The following DPF3 variants were observed in gnomAD, a reference collection of about 807,000 sequenced individuals.
The protein encoded by DPF3 is zinc finger protein DPF3.
DPF3 carries 18 observed loss-of-function variants against 56.8 expected under a neutral mutation model. That is an observed-to-expected ratio of 0.32 (90% CI 0.22 to 0.47). The LOEUF is 0.47. DPF3 is among the 20% of genes least tolerant of loss of function. DPF3 has a pLI of 1.00. For missense variants in DPF3, 403 were observed against 488.8 expected (o/e 0.82, Z 1.65); for synonymous variants, 188 against 180.2 (o/e 1.04, Z -0.35).
intron 2 of DPF3, among the ~76,000 whole-genome samples, chr14:72,758,945 A>G (rs986250073): frequency 1.3e-5 from 2 of 152,242 alleles, no homozygotes; most frequent in African/African-American, 4.8e-5. Flanking sequence ...ATTACAAGGC[A>G]TGTAAAGAAG....
chr14:72,798,639 C>T (rs545373120), intron 1 of DPF3, among the ~76,000 whole-genome samples: 1 of 152,314 alleles, frequency 6.6e-6, no homozygotes, highest in South Asian at 2.1e-4. Flanking sequence ...GCAGGGGCTG[C>T]CAGCTGCTAA....
chr14:72,705,575 C>A (rs1477151571), intron 6 of DPF3, among the ~76,000 whole-genome samples: 1 of 152,170 alleles, frequency 6.6e-6, no homozygotes, highest in Non-Finnish European at 1.5e-5. Context: ...TGGCTCTAAG[C>A]ACCTCAGCCT....
At chr14:72,745,292 C>A (rs1238712769) in intron 3 of DPF3, among the ~76,000 whole-genome samples, 1 of 152,024 alleles carries the variant, frequency 6.6e-6, no homozygotes, top group African/African-American at 2.4e-5. Context: ...TTTTTCGCCA[C>A]TTAGCAATAT....
At chr14:72,818,523 G>A (rs1019540295) in intron 1 of DPF3, among the ~76,000 whole-genome samples, 1 of 152,028 alleles carries the variant, frequency 6.6e-6, no homozygotes. Context: ...CTACAAAGAA[G>A]TTTATTAACC....
chr14:72,858,886 C>A (rs573924771), intron 1 of DPF3, among the ~76,000 whole-genome samples: 54 of 152,130 alleles, frequency 3.5e-4, no homozygotes, highest in Non-Finnish European at 7.2e-4. Flanking sequence ...TTTTTAGTAA[C>A]AAATATACAT....
chr14:72,766,501 G>C (rs1219622518), intron 2 of DPF3, among the ~76,000 whole-genome samples: 1 of 152,182 alleles, frequency 6.6e-6, no homozygotes, highest in Non-Finnish European at 1.5e-5. Flanking sequence ...GCCTGGGCTG[G>C]AGTGCAATGG....
At chr14:72,753,493 C>G (rs568898365) in intron 2 of DPF3, 122 bp from the exon 3 acceptor site, 2 of 766,772 alleles carry the variant, frequency 2.6e-6, no homozygotes, top group East Asian at 5.8e-5. Context: ...AGTGACTTGT[C>G]AACATCACAA....
intron 1 of DPF3, among the ~76,000 whole-genome samples, chr14:72,824,272 G>C (rs966086051): frequency 6.6e-6 from 1 of 152,170 alleles, no homozygotes; most frequent in African/African-American, 2.4e-5. Context: ...GTATGAGATG[G>C]ATCTGGAGCC....
At chr14:72,874,873 T>G (rs1485065071) in intron 1 of DPF3, among the ~76,000 whole-genome samples, 4 of 152,212 alleles carry the variant, frequency 2.6e-5, no homozygotes, top group African/African-American at 9.6e-5. Flanking sequence ...CCCCACTCTA[T>G]TGGTACCAAT....
Position 72,611,436 on chromosome 14 carries a change from C to T in DPF3, c.*7861G>A, listed in dbSNP as rs1005575248. Among the ~76,000 whole-genome samples, 1 of 152,220 alleles carries T rather than the reference C, an allele frequency of 6.6e-6. No individual in the cohort carries two copies. Among genetic ancestry groups the T allele is most frequent in the Non-Finnish European group, 1.5e-5 (1 of 68,044 alleles). On this transcript the variant is annotated 3_prime_UTR_variant, in exon 11 of 11. Coordinates refer to ENST00000556509, the MANE Select transcript of DPF3 (RefSeq NM_001280542.3). Reference sequence around the variant, plus strand: ...TGGGTTTCATCCCTGCACACACCAGCAGTGCCAGATACAGGCGTGGGGCAG... The same window carrying T: ...TGGGTTTCATCCCTGCACACACCAGTAGTGCCAGATACAGGCGTGGGGCAG...
At chr14:72,844,086 C>T (rs1021689776) in intron 1 of DPF3, among the ~76,000 whole-genome samples, 2 of 152,054 alleles carry the variant, frequency 1.3e-5, no homozygotes, top group Admixed American at 6.6e-5. Context: ...TTCTTATGCC[C>T]GTACTATGTG....
At chr14:72,845,256 G>A (rs1251663917) in intron 1 of DPF3, among the ~76,000 whole-genome samples, 1 of 152,162 alleles carries the variant, frequency 6.6e-6, no homozygotes. Context: ...AGGAAACCAT[G>A]AAAGAGAAGA....
intron 1 of DPF3, among the ~76,000 whole-genome samples, chr14:72,848,838 G>A: frequency 6.6e-6 from 1 of 152,152 alleles, no homozygotes; most frequent in South Asian, 2.1e-4. Flanking sequence ...TCTCTGCTGA[G>A]ACAACAGATT....
intron 1 of DPF3, among the ~76,000 whole-genome samples, chr14:72,825,842 A>G (rs72730377): frequency 0.084 from 12,846 of 152,270 alleles, 743 homozygotes; most frequent in South Asian, 0.18. Context: ...ATGAGGCAGG[A>G]GAGCTCTAGG....
chr14:72,629,650 T>C lies in DPF3; in HGVS notation c.958A>G (p.Ile320Val). 2 of 1,536,064 alleles carry C rather than the reference T, an allele frequency of 1.3e-6. No individual in the cohort carries two copies. Among genetic ancestry groups the C allele is most frequent in the Non-Finnish European group, 1.7e-6 (2 of 1,146,852 alleles). Residue 320 changes from isoleucine to valine, a missense_variant, in exon 9 of 11, where the codon ATC (isoleucine) becomes GTC (valine). Transcript: ENST00000556509. ...TCATTCTCTGAGGTCCCACAGAGGA[T>C]ACAGGATTTGCACTCTATGCACTGC... is the stretch of plus-strand genomic sequence containing the variant. Reference protein sequence around the residue: ...KWQCIECKSCILCGTSENDDQ... With the variant: ...KWQCIECKSCVLCGTSENDDQ...
In DPF3 at chr14:72,649,660, T is replaced by TTGGG. The variant is rs1555491965; in HGVS notation, c.872-19925_872-19924insCCCA. On this transcript the variant is annotated intron_variant, in intron 8 of 10. Transcript: ENST00000556509. ...CTCAATTGTCTCACTCATCCCTGGGTGGGGGGGGGGATTAATGTATTAGTA... is the reference window on the plus strand; with the variant it reads ...CTCAATTGTCTCACTCATCCCTGGGTTGGGGGGGGGGGGGATTAATGTATTAGTA... 4.9e-4 allele frequency among the ~76,000 whole-genome samples: 30 copies of TTGGG among 61,150 alleles called. 1 individual carries two copies. Among genetic ancestry groups the TTGGG allele is most frequent in the African/African-American group, 1.5e-3 (30 of 19,638 alleles). 40.1% of individuals were successfully genotyped at this position (61,150 alleles called of 152,430 possible).
chr14:72,814,797 G>A (rs1276630806), intron 1 of DPF3, among the ~76,000 whole-genome samples: 2 of 150,758 alleles, frequency 1.3e-5, no homozygotes, highest in African/African-American at 2.4e-5. Context: ...GCGACAGAGC[G>A]AGACTCCGTC....
chr14:72,835,195 G>A (rs61986327), intron 1 of DPF3, among the ~76,000 whole-genome samples: 7,093 of 152,202 alleles, frequency 0.047, 239 homozygotes, highest in Non-Finnish European at 0.076. Context: ...AGCGTCCTGA[G>A]TAGCTGGGAT....
intron 8 of DPF3, among the ~76,000 whole-genome samples, chr14:72,655,064 A>C (rs892925223): frequency 7.9e-5 from 12 of 152,142 alleles, no homozygotes; most frequent in Non-Finnish European, 7.4e-5. Context: ...GGCAATTCAT[A>C]CTACATTCTT....
Sources: allele counts gnomAD v4.1 joint callset (sites outside exome capture counted in the v4.1 genomes callset), GRCh38; gene constraint gnomAD v4.1.1; transcripts MANE v1.5; gene names NCBI Gene and HGNC (gene_info 2026-07-23, HGNC 2026-07-21).